Variants in PARD6G observed in about 807,000 individuals in gnomAD.
PARD6G encodes the protein par-6 family cell polarity regulator gamma, also known as partitioning defective 6 homolog gamma.
In PARD6G, 7 loss-of-function variants were observed where a neutral mutation model predicts 10.7. The ratio of observed to expected loss-of-function variants is 0.66; its 90% CI spans 0.37 to 1.23. The LOEUF is 1.23. PARD6G is among the 50% of genes most tolerant of loss of function. The pLI is 0.02. For missense variants in PARD6G, 548 were observed against 571.8 expected, an observed-to-expected ratio of 0.96 and a Z score of 0.42; for synonymous variants, 287 against 269.4, an observed-to-expected ratio of 1.07 and a Z score of -0.64.
chr18:80,191,353 C>A (rs34299914), intron 2 of PARD6G, among the ~76,000 whole-genome samples: 27,753 of 151,786 alleles, frequency 0.18, 3,082 homozygotes, highest in African/African-American at 0.31. Flanking sequence ...TTGTAAAATT[C>A]TCTTCTTTCT....
In PARD6G at chr18:80,246,512, C is replaced by T. The variant is rs1304485064; in HGVS notation, c.72+765G>A. 6.7e-6 allele frequency among the ~76,000 whole-genome samples: 1 copy of T among 148,736 alleles called. No homozygotes were observed. The highest frequency in any genetic ancestry group is 2.5e-5 in the African/African-American group (1 of 40,276). ...GGGGTGGTCTGGGTACGGGTCTGAT[C>T]CGGGGGCGCGCTCGGGAGGGGTCTG... On this transcript the variant is annotated intron_variant, in intron 1 of 2. Transcript: ENST00000353265. The surrounding 1 kb of genome is among the most constrained non-coding windows in gnomAD (Gnocchi z 6.7).
Position 80,160,089 on chromosome 18 carries a change from G to C in PARD6G, c.813C>G (p.Asp271Glu), listed in dbSNP as rs200614747. Residue 271 changes from aspartate to glutamate, a missense_variant, in exon 3 of 3, where the codon GAC becomes GAG. Around this residue, in one of 2 missense-constraint regions of PARD6G, gnomAD observed 313 missense variants for 279.9 expected, o/e 1.12. Transcript: ENST00000353265. ...RALGSSGPPS[D>E]GTAGFVGPPA... ...GGGGACCCACGAAGCCCGCGGTGCC[G>C]TCCGAGGGCGGTCCCGAGCTGCCCA... is the stretch of plus-strand genomic sequence containing the variant. 370 of 1,598,110 alleles carry C rather than the reference G, an allele frequency of 2.3e-4. 1 individual carries two copies. Among genetic ancestry groups the C allele is most frequent in the Non-Finnish European group, 2.1e-4 (252 of 1,173,056 alleles).
At chr18:80,224,024 CA>C (rs1350488550) in intron 1 of PARD6G, among the ~76,000 whole-genome samples, 1 of 152,184 alleles carries the variant, frequency 6.6e-6, no homozygotes, top group East Asian at 1.9e-4. Flanking sequence ...GCACTCCGAA[CA>C]GGGTAGAACT....
chr18:80,218,358 G>C (rs571308626), intron 1 of PARD6G, among the ~76,000 whole-genome samples: 25 of 151,982 alleles, frequency 1.6e-4, no homozygotes, highest in African/African-American at 5.8e-4. Flanking sequence ...CCAAACAGGA[G>C]AAATTGGCCA....
rs1332047908 is a variant in PARD6G at position 80,182,547 on chromosome 18, T to C, written c.295+20163A>G. Among the ~76,000 whole-genome samples, 1 of 152,242 alleles carries C rather than the reference T, an allele frequency of 6.6e-6. No individual in the cohort carries two copies. The highest frequency in any genetic ancestry group is 2.4e-5 in the African/African-American group (1 of 41,462). ...CTGTGAATGCATTTCCCATAACATC[T>C]GAAAATGTACACTAAAAATCAAGTC... On this transcript the variant is annotated intron_variant, in intron 2 of 2. Coordinates refer to ENST00000353265, the MANE Select transcript of PARD6G (RefSeq NM_032510.4). This position sits in a 1 kb window ranked among gnomAD's most constrained non-coding sequence, Gnocchi z 4.5.
chr18:80,217,857 T>TA (rs1283204986), intron 1 of PARD6G, among the ~76,000 whole-genome samples: 2 of 152,142 alleles, frequency 1.3e-5, no homozygotes, highest in Non-Finnish European at 2.9e-5. Flanking sequence ...TCAGGAAACT[T>TA]ACAATCATGG....
At chr18:80,215,738 C>T (rs1164603909) in intron 1 of PARD6G, among the ~76,000 whole-genome samples, 1 of 151,946 alleles carries the variant, frequency 6.6e-6, no homozygotes, top group East Asian at 1.9e-4. Flanking sequence ...AAATAAACAG[C>T]AAAATGACAG....
Position 80,177,025 on chromosome 18 carries a change from GCACACACA to G in PARD6G, c.296-16427_296-16420del, listed in dbSNP as rs111315126. ...AAGAGAAGCACGTGCGCGCGCGCGT[GCACACACA>G]CACACACACACACACCACAGTATAA... On this transcript the variant is annotated intron_variant, in intron 2 of 2. Transcript: ENST00000353265. Among the ~76,000 whole-genome samples, 9 of 137,250 alleles carry G rather than the reference GCACACACA, an allele frequency of 6.6e-5. No homozygotes were observed. The South Asian group carries it at 9.5e-4, about 14-fold the overall frequency. 90.0% of individuals were successfully genotyped at this position (137,250 alleles called of 152,430 possible).
intron 1 of PARD6G, among the ~76,000 whole-genome samples, chr18:80,238,139 C>T (rs901775462): frequency 1.2e-4 from 18 of 152,270 alleles, no homozygotes; most frequent in African/African-American, 3.9e-4. Context: ...GGCACATATA[C>T]ACCACGGAAT....
intron 2 of PARD6G, among the ~76,000 whole-genome samples, chr18:80,168,569 ATGTTTG>A (rs1488169851): frequency 8.4e-6 from 1 of 118,698 alleles, no homozygotes; most frequent in African/African-American, 3.1e-5. Context: ...CAGTCAAATT[ATGTTTG>A]TGTGTGTGTG....
rs1967325978 is a variant in PARD6G, at chr18:80,228,798, G to A, written c.72+18479C>T. ...CTACAGGTGAGAACAGTGAACAACT[G>A]CAGGTGATCAGAAACAGAGACAGAT... On this transcript the variant is annotated intron_variant, in intron 1 of 2. Transcript: ENST00000353265. This position sits in a 1 kb window ranked among gnomAD's most constrained non-coding sequence, Gnocchi z 4.6. Among the ~76,000 whole-genome samples the A allele has an allele frequency of 6.6e-6, 1 of 152,228 alleles. No homozygotes were observed.
rs571263903 is a variant in PARD6G at position 80,167,144 on chromosome 18, C to T, written c.296-6538G>A. Among the ~76,000 whole-genome samples the T allele has an allele frequency of 5.3e-5, 8 of 152,308 alleles. No homozygotes were observed. In the East Asian group the frequency reaches 1.2e-3, roughly 22 times the overall value. ...CACAGGTCACATCCCTGCTGTGGGT[C>T]CTCTGTTGTGGTTCCTGCCTGAGAG... On this transcript the variant is annotated intron_variant, in intron 2 of 2. Transcript: ENST00000353265.
rs1423984737 is a variant in PARD6G at position 80,228,720 on chromosome 18, C to G, written c.72+18557G>C. On this transcript the variant is annotated intron_variant, in intron 1 of 2. Coordinates refer to ENST00000353265, the MANE Select transcript of PARD6G (RefSeq NM_032510.4). This position sits in a 1 kb window ranked among gnomAD's most constrained non-coding sequence, Gnocchi z 4.6. ...ACCTAAGGCCCTTCTCCACCAAAGA[C>G]CTGCCTCACACCCCCAGGGGCCTGC... 6.6e-6 allele frequency among the ~76,000 whole-genome samples: 1 copy of G among 152,036 alleles called. No homozygotes were observed. Among genetic ancestry groups the G allele is most frequent in the African/African-American group, 2.4e-5 (1 of 41,378 alleles).
At chr18:80,194,133 T>G (rs1488248028) in intron 2 of PARD6G, among the ~76,000 whole-genome samples, 1 of 152,168 alleles carries the variant, frequency 6.6e-6, no homozygotes, top group Non-Finnish European at 1.5e-5. Context: ...GGTATACAAT[T>G]TCTACAACGA....
At chr18:80,206,016 G>A (rs1228240332) in intron 1 of PARD6G, among the ~76,000 whole-genome samples, 1 of 152,178 alleles carries the variant, frequency 6.6e-6, no homozygotes, top group African/African-American at 2.4e-5. Context: ...AACAGCATAG[G>A]CTAAATGTTA....
chr18:80,208,306 T>C (rs1967074610), intron 1 of PARD6G, among the ~76,000 whole-genome samples: 1 of 152,210 alleles, frequency 6.6e-6, no homozygotes, highest in African/African-American at 2.4e-5. Flanking sequence ...AGTGGTAGTT[T>C]TTCAAAATTC....
chr18:80,230,003 A>C (rs767548777), intron 1 of PARD6G, among the ~76,000 whole-genome samples: 45 of 152,206 alleles, frequency 3.0e-4, no homozygotes, highest in South Asian at 4.1e-4. Flanking sequence ...CAGGTGGGTC[A>C]TAGGGTCACA....
At chr18:80,208,572 A>G (rs1967077511) in intron 1 of PARD6G, among the ~76,000 whole-genome samples, 1 of 152,140 alleles carries the variant, frequency 6.6e-6, no homozygotes, top group African/African-American at 2.4e-5. Context: ...CCGGGAGGTC[A>G]TCTCCTCACT....
chr18:80,161,934 G>A lies in PARD6G; in HGVS notation c.296-1328C>T, dbSNP rs1413201730. ...TGGTTGACAGTTCTGGAAAGGACTC[G>A]AAGACAAATTACTTCCACCATGGAG... is the stretch of plus-strand genomic sequence containing the variant. On this transcript the variant is annotated intron_variant, in intron 2 of 2. Coordinates refer to ENST00000353265, the MANE Select transcript of PARD6G (RefSeq NM_032510.4). The surrounding 1 kb of genome is among the most constrained non-coding windows in gnomAD (Gnocchi z 4.6). 2.0e-5 allele frequency: 3 copies of A among 152,330 alleles called. No individual in the cohort carries two copies. The highest frequency in any genetic ancestry group is 2.1e-4 in the South Asian group (1 of 4,838). 9.4% of individuals were successfully genotyped at this position (152,330 alleles called of 1,614,324 possible).
Sources: allele counts gnomAD v4.1 joint callset (sites outside exome capture counted in the v4.1 genomes callset), GRCh38; gene constraint gnomAD v4.1.1; regional missense constraint gnomAD v4.1.1; non-coding constraint Gnocchi (gnomAD v3.1); transcripts MANE v1.5; gene names NCBI Gene and HGNC (gene_info 2026-07-23, HGNC 2026-07-21).